The following CNTNAP2 variants were observed in gnomAD, a reference collection of about 807,000 sequenced individuals.
CNTNAP2 encodes contactin associated protein 2.
A neutral mutation model predicts 155.2 loss-of-function variants in CNTNAP2; 98 were observed. The observed-to-expected ratio is 0.63, with a 90% CI of 0.54 to 0.75. CNTNAP2 has a LOEUF of 0.75. Among genes scored for constraint, CNTNAP2 ranks in the 30% least tolerant of loss-of-function variants. The pLI is 0.00. For missense variants in CNTNAP2, 1,727 were observed against 1,688.1 expected (o/e 1.02, Z -0.40); for synonymous variants, 651 against 631.2 (o/e 1.03, Z -0.47).
At chr7:147,553,213 A>G (rs1799885272) in intron 11 of CNTNAP2, among the ~76,000 whole-genome samples, 1 of 152,196 alleles carries the variant, frequency 6.6e-6, no homozygotes, top group South Asian at 2.1e-4. Flanking sequence ...AGCATGTAGC[A>G]CGTGTCTACC....
chr7:146,842,049 ATT>A (rs10712275), intron 3 of CNTNAP2, among the ~76,000 whole-genome samples: 28 of 151,586 alleles, frequency 1.8e-4, no homozygotes, highest in Admixed American at 7.9e-4. Context: ...TGCCTGGCTA[ATT>A]TTTTTTTGTA....
At chr7:146,595,577 T>G (rs889781551) in intron 1 of CNTNAP2, among the ~76,000 whole-genome samples, 2 of 152,036 alleles carry the variant, frequency 1.3e-5, no homozygotes, top group African/African-American at 4.8e-5. Context: ...GCAGGAGCAA[T>G]TCTTGAAACA....
At chr7:146,700,514 A>C (rs1005226759) in intron 1 of CNTNAP2, among the ~76,000 whole-genome samples, 14 of 152,130 alleles carry the variant, frequency 9.2e-5, no homozygotes, top group Admixed American at 9.2e-4. Flanking sequence ...AAGCTCAATT[A>C]TACCTAAAGG....
At chr7:146,791,024 A>T (rs1208063330) in intron 2 of CNTNAP2, among the ~76,000 whole-genome samples, 4 of 151,760 alleles carry the variant, frequency 2.6e-5, no homozygotes, top group African/African-American at 9.7e-5. Context: ...GCACCCATCA[A>T]CCCGTTATCT....
At chr7:146,579,288 TTTCTGAGCTC>T (rs1798573423) in intron 1 of CNTNAP2, among the ~76,000 whole-genome samples, 1 of 152,130 alleles carries the variant, frequency 6.6e-6, no homozygotes, top group Non-Finnish European at 1.5e-5. Flanking sequence ...ATTCCATTCC[TTTCTGAGCTC>T]TATAGAGGAA....
intron 10 of CNTNAP2, among the ~76,000 whole-genome samples, chr7:147,426,621 TA>T: frequency 6.6e-6 from 1 of 152,302 alleles, no homozygotes; most frequent in South Asian, 2.1e-4. Context: ...GAAAATATGT[TA>T]AAAAGTGATG....
At chr7:147,479,644 A>G (rs1798387123) in intron 10 of CNTNAP2, among the ~76,000 whole-genome samples, 1 of 152,222 alleles carries the variant, frequency 6.6e-6, no homozygotes, top group African/African-American at 2.4e-5. Context: ...TTATAATAAA[A>G]AAGATTTAAA....
chr7:147,973,052 G>C (rs745320893), intron 14 of CNTNAP2, among the ~76,000 whole-genome samples: 2 of 151,756 alleles, frequency 1.3e-5, no homozygotes, highest in Non-Finnish European at 2.9e-5. Flanking sequence ...AACTACTCAG[G>C]AGGCTGAGGC....
At chr7:147,917,434 G>A (rs184332044) in intron 14 of CNTNAP2, among the ~76,000 whole-genome samples, 153 of 152,294 alleles carry the variant, frequency 1.0e-3, no homozygotes, top group African/African-American at 3.4e-3. Context: ...CTGTTCTGGT[G>A]TTATTCAGAT....
At chr7:147,795,621 C>T (rs1452743303) in intron 13 of CNTNAP2, among the ~76,000 whole-genome samples, 2 of 152,178 alleles carry the variant, frequency 1.3e-5, no homozygotes, top group South Asian at 4.1e-4. Flanking sequence ...TTTTCTACCC[C>T]CATAGTAGAT....
Position 147,544,557 on chromosome 7 carries a change from C to G in CNTNAP2, c.1778-17581C>G, listed in dbSNP as rs188424483. Among the ~76,000 whole-genome samples the G allele has an allele frequency of 6.1e-3, 934 of 152,030 alleles. 13 individuals are homozygous for G. Among genetic ancestry groups the G allele is most frequent in the Admixed American group, 0.024 (363 of 15,260 alleles). On this transcript the variant is annotated intron_variant, in intron 11 of 23. Transcript: ENST00000361727. The stretch of plus-strand genomic sequence containing the variant: ...TTCCAATAAAAAAAAAATGCAAGTC[C>G]TCTTTCCAGGGCCACAGCATGACTT...
At chr7:146,709,067 ACAT>A (rs1451278078) in intron 1 of CNTNAP2, among the ~76,000 whole-genome samples, 1 of 152,210 alleles carries the variant, frequency 6.6e-6, no homozygotes, top group Non-Finnish European at 1.5e-5. Flanking sequence ...ACAGTTAGAA[ACAT>A]CATTTATCTG....
chr7:146,185,835 A>G (rs1267628799), intron 1 of CNTNAP2, among the ~76,000 whole-genome samples: 1 of 148,718 alleles, frequency 6.7e-6, no homozygotes. Context: ...TTTCTAAACC[A>G]TGCATGGGTA....
chr7:146,687,172 A>C (rs1800615560), intron 1 of CNTNAP2, among the ~76,000 whole-genome samples: 1 of 152,166 alleles, frequency 6.6e-6, no homozygotes, highest in African/African-American at 2.4e-5. Flanking sequence ...CTAGCTCTCT[A>C]AAGCCACAGA....
At chr7:146,617,338 G>C (rs1799243123) in intron 1 of CNTNAP2, among the ~76,000 whole-genome samples, 1 of 152,162 alleles carries the variant, frequency 6.6e-6, no homozygotes, top group African/African-American at 2.4e-5. Flanking sequence ...TGTTGGAACT[G>C]AATGCAAAAA....
At chr7:146,385,121 A>G (rs533968027) in intron 1 of CNTNAP2, among the ~76,000 whole-genome samples, 8 of 152,246 alleles carry the variant, frequency 5.3e-5, no homozygotes, top group Non-Finnish European at 1.2e-4. Context: ...GCACCCTTCC[A>G]TTGTATGAAA....
chr7:147,903,135 A>G (rs1799902020), intron 13 of CNTNAP2, among the ~76,000 whole-genome samples: 1 of 151,994 alleles, frequency 6.6e-6, no homozygotes, highest in African/African-American at 2.4e-5. Flanking sequence ...ACACCAACAT[A>G]TATTATTTTT....
chr7:147,244,074 A>G (rs1383317372), intron 8 of CNTNAP2, among the ~76,000 whole-genome samples: 2 of 152,092 alleles, frequency 1.3e-5, no homozygotes, highest in African/African-American at 4.8e-5. Flanking sequence ...ATAAATCTAA[A>G]TTCTTCAACT....
At chr7:147,077,689 C>T (rs182778666) in intron 4 of CNTNAP2, among the ~76,000 whole-genome samples, 1 of 152,126 alleles carries the variant, frequency 6.6e-6, no homozygotes, top group African/African-American at 2.4e-5. Context: ...CAAGCTTTGA[C>T]ATTTTCTAGC....
Sources: allele counts gnomAD v4.1 joint callset (sites outside exome capture counted in the v4.1 genomes callset), GRCh38; gene constraint gnomAD v4.1.1; transcripts MANE v1.5; gene names NCBI Gene and HGNC (gene_info 2026-07-23, HGNC 2026-07-21).